ZNF566: variants seen among roughly 807,000 people sequenced by gnomAD.
ZNF566 encodes the protein zinc finger protein 566.
A neutral mutation model predicts 32.8 loss-of-function variants in ZNF566; 27 were observed. The observed-to-expected ratio is 0.82, with a 90% CI of 0.61 to 1.14. The LOEUF is 1.14. Among genes scored for constraint, ZNF566 ranks in the 50% most tolerant of loss-of-function variants. The pLI is 0.00. For missense variants in ZNF566, 402 were observed against 490.4 expected (o/e 0.82, Z 1.70); for synonymous variants, 154 against 159.5 (o/e 0.97, Z 0.26).
rs1297017614 is a variant in ZNF566 at position 36,449,681 on chromosome 19, G to A, written c.553C>T (p.Gln185Ter). The change falls in exon 5 of 5, where the codon CAG becomes TAG. Residue 185 changes from glutamine to a stop codon, truncating the protein, a stop_gained. Transcript: ENST00000452939. LOFTEE classifies it high-confidence loss of function. ...TGAATTATCTCATGTGTAGCAAACT[G>A]TGAGCCATGTCTAAAGGTTTTCCTA... ...EYRKTFRHGSQFATHEIIHTI... is the reference protein window; with the variant it reads ...EYRKTFRHGS The A allele has an allele frequency of 1.2e-6, 2 of 1,614,060 alleles. No homozygotes were observed. Among genetic ancestry groups the A allele is most frequent in the Non-Finnish European group, 1.7e-6 (2 of 1,180,002 alleles).
In ZNF566 at chr19:36,469,165, T is replaced by C. The variant is rs550305367; in HGVS notation, c.232+3746A>G. Among the ~76,000 whole-genome samples, 60 of 151,968 alleles carry C rather than the reference T, an allele frequency of 3.9e-4. 1 individual carries two copies. The highest frequency in any genetic ancestry group is 1.5e-3 in the African/African-American group (60 of 41,236). On this transcript the variant is annotated intron_variant, in intron 4 of 4. Transcript: ENST00000452939. ...TATATAACTTTGCATTAAGGTTATATAAGGGAGAAAGTATCAGTATTTTTT... is the reference window on the plus strand; with the variant it reads ...TATATAACTTTGCATTAAGGTTATACAAGGGAGAAAGTATCAGTATTTTTT...
At position 36,447,141 on chromosome 19, in the gene ZNF566, C is replaced by T. The variant is rs2033014683; in HGVS notation, c.*1836G>A. On this transcript the variant is annotated 3_prime_UTR_variant, in exon 5 of 5. Coordinates refer to ENST00000452939, the MANE Select transcript of ZNF566 (RefSeq NM_001145344.1). ...AGTGATTCTCCTGCCTCAGCCTCCC[C>T]AGTAGCTGGGATTACAGGCATGTGC... is the stretch of plus-strand genomic sequence containing the variant. The T allele has an allele frequency of 6.6e-6, 1 of 152,124 alleles. No individual in the cohort carries two copies. The highest frequency in any genetic ancestry group is 6.6e-5 in the Admixed American group (1 of 15,236). The allele number at this position is 152,124 out of a possible 1,614,324, so 9.4% of individuals were successfully genotyped here.
At chr19:36,477,336 T>C (rs2033913820) in intron 1 of ZNF566, among the ~76,000 whole-genome samples, 13 of 152,044 alleles carry the variant, frequency 8.6e-5, no homozygotes, top group Admixed American at 8.5e-4. Context: ...AACCAATCTG[T>C]GGCCAATCAT....
At chr19:36,478,195 T>C (rs1259706222) in intron 1 of ZNF566, among the ~76,000 whole-genome samples, 2 of 152,100 alleles carry the variant, frequency 1.3e-5, no homozygotes, top group Non-Finnish European at 2.9e-5. Flanking sequence ...GGAATACAAG[T>C]GTCTCTTCTT....
chr19:36,450,349 T>C (rs1208708946), intron 4 of ZNF566, among the ~76,000 whole-genome samples: 2 of 152,094 alleles, frequency 1.3e-5, no homozygotes, highest in African/African-American at 2.4e-5. Flanking sequence ...GTATGAATTA[T>C]AAAATAAGGG....
chr19:36,477,543 TTGTTTG>T (rs763646396), intron 1 of ZNF566, among the ~76,000 whole-genome samples: 2,157 of 87,300 alleles, frequency 0.025, 344 homozygotes, highest in South Asian at 0.065. Flanking sequence ...TTTTGTTTGT[TTGTTTG>T]TTTTTTTGAG....
At chr19:36,462,315 T>C (rs1362786276) in intron 4 of ZNF566, among the ~76,000 whole-genome samples, 4 of 152,010 alleles carry the variant, frequency 2.6e-5, no homozygotes, top group Non-Finnish European at 4.4e-5. Context: ...AACTTGAACA[T>C]AGGTTGCTTT....
At chr19:36,473,783 T>C (rs2033821641) in intron 2 of ZNF566, among the ~76,000 whole-genome samples, 1 of 152,160 alleles carries the variant, frequency 6.6e-6, no homozygotes, top group African/African-American at 2.4e-5. Flanking sequence ...ATACCTGTCA[T>C]ATAATAAATC....
At position 36,445,934 on chromosome 19, in the gene ZNF566, C is replaced by T. The variant is rs754607302; in HGVS notation, c.*3043G>A. The T allele has an allele frequency of 1.3e-5, 2 of 152,136 alleles. No individual in the cohort carries two copies. The highest frequency in any genetic ancestry group is 4.8e-5 in the African/African-American group (2 of 41,512). The allele number at this position is 152,136 out of a possible 1,614,324, so 9.4% of individuals were successfully genotyped here. On this transcript the variant is annotated 3_prime_UTR_variant, in exon 5 of 5. Coordinates refer to ENST00000452939, the MANE Select transcript of ZNF566 (RefSeq NM_001145344.1). ...GCATTACTTTTAGATGGCAAAAAAG[C>T]GCAAACAATCCATAATATCACAATT...
At position 36,462,956 on chromosome 19, in the gene ZNF566, CAAAAAAAAAAAAAAAAA is replaced by C. The variant is rs755283751; in HGVS notation, c.232+9938_232+9954del. 6.4e-3 allele frequency among the ~76,000 whole-genome samples: 248 copies of C among 38,590 alleles called. 6 individuals are homozygous for C. The highest frequency in any genetic ancestry group is 0.011 in the African/African-American group (113 of 10,138). The allele number at this position is 38,590 out of a possible 152,430, so 25.3% of individuals were successfully genotyped here. ...TGGGTGACACAGCGAGACTCTGTCT[CAAAAAAAAAAAAAAAAA>C]AAAAAAAAAAAAAAAAATCCCATTT... is the stretch of plus-strand genomic sequence containing the variant. On this transcript the variant is annotated intron_variant, in intron 4 of 4. Transcript: ENST00000452939.
chr19:36,477,113 C>T lies in ZNF566; in HGVS notation c.-59-497G>A, dbSNP rs554224658. Among the ~76,000 whole-genome samples, 5 of 152,052 alleles carry T rather than the reference C, an allele frequency of 3.3e-5. No homozygotes were observed. The South Asian group carries it at 8.3e-4, about 25-fold the overall frequency. Reference sequence around the variant, plus strand: ...GCAACCTCCGCGTCCTGGGTTCAAGCGATTCTTCTGCCTCAGCCTCCCAAG... The same window carrying T: ...GCAACCTCCGCGTCCTGGGTTCAAGTGATTCTTCTGCCTCAGCCTCCCAAG... On this transcript the variant is annotated intron_variant, in intron 1 of 4. Coordinates refer to ENST00000452939, the MANE Select transcript of ZNF566 (RefSeq NM_001145344.1).
chr19:36,467,066 C>CAA (rs1225047396), intron 4 of ZNF566, among the ~76,000 whole-genome samples: 52 of 101,156 alleles, frequency 5.1e-4, no homozygotes, highest in African/African-American at 1.8e-3. Flanking sequence ...GAGACTCCGT[C>CAA]AAAAAAAAAA....
At chr19:36,460,013 G>T (rs1312846923) in intron 4 of ZNF566, among the ~76,000 whole-genome samples, 1 of 151,606 alleles carries the variant, frequency 6.6e-6, no homozygotes, top group Non-Finnish European at 1.5e-5. Context: ...CAACACGTTG[G>T]CCAGGCTGAT....
intron 1 of ZNF566, among the ~76,000 whole-genome samples, chr19:36,479,045 G>T (rs1314273052): frequency 6.6e-6 from 1 of 152,072 alleles, no homozygotes; most frequent in African/African-American, 2.4e-5. Context: ...TCTGATCCAG[G>T]GGTCTCATGT....
At chr19:36,451,537 A>G (rs2033157201) in intron 4 of ZNF566, among the ~76,000 whole-genome samples, 1 of 152,222 alleles carries the variant, frequency 6.6e-6, no homozygotes, top group Admixed American at 6.5e-5. Context: ...GTACTGACAG[A>G]TCAGAGATAC....
chr19:36,460,521 G>A (rs140444844), intron 4 of ZNF566, among the ~76,000 whole-genome samples: 283 of 142,316 alleles, frequency 2.0e-3, no homozygotes, highest in African/African-American at 6.8e-3. Flanking sequence ...GAATAGCAGC[G>A]AAAAAAAGAT....
intron 4 of ZNF566, among the ~76,000 whole-genome samples, chr19:36,450,804 A>G (rs1030172401): frequency 2.6e-5 from 4 of 152,210 alleles, no homozygotes; most frequent in African/African-American, 9.6e-5. Context: ...TTTATTAGCC[A>G]TACTTGTTAC....
At position 36,445,452 on chromosome 19, in the gene ZNF566, C is replaced by G. The variant is rs999014776; in HGVS notation, c.*3525G>C. ...CTCACAGAATCACATATATGAAAAA[C>G]TGCACTCCACTCCTTTATTCTCTTG... On this transcript the variant is annotated 3_prime_UTR_variant, in exon 5 of 5. Coordinates refer to ENST00000452939, the MANE Select transcript of ZNF566 (RefSeq NM_001145344.1). 6.6e-6 allele frequency: 1 copy of G among 152,142 alleles called. No homozygotes were observed. Among genetic ancestry groups the G allele is most frequent in the Admixed American group, 6.5e-5 (1 of 15,272 alleles). 9.4% of individuals were successfully genotyped at this position (152,142 alleles called of 1,614,324 possible).
At chr19:36,477,903 A>G (rs933780577) in intron 1 of ZNF566, among the ~76,000 whole-genome samples, 1 of 152,144 alleles carries the variant, frequency 6.6e-6, no homozygotes, top group Admixed American at 6.5e-5. Flanking sequence ...GGAAGACTAC[A>G]TTGTTTAAGG....
Sources: allele counts gnomAD v4.1 joint callset (sites outside exome capture counted in the v4.1 genomes callset), GRCh38; gene constraint gnomAD v4.1.1; transcripts MANE v1.5; gene names NCBI Gene and HGNC (gene_info 2026-07-23, HGNC 2026-07-21).